Variants in PPM1E observed in about 807,000 individuals in gnomAD.
PPM1E encodes the protein protein phosphatase, Mg2+/Mn2+ dependent 1E.
PPM1E carries 20 observed loss-of-function variants against 65.9 expected under a neutral mutation model. The observed-to-expected ratio is 0.30, with a 90% CI of 0.21 to 0.44. The LOEUF is 0.44. PPM1E is among the 20% of genes least tolerant of loss of function. The probability of loss-of-function intolerance (pLI) is 1.00; values close to 1 mark genes in which losing one functional copy is unlikely to be tolerated. For missense variants in PPM1E, 713 were observed against 953.1 expected, an observed-to-expected ratio of 0.75 and a Z score of 3.32; for synonymous variants, 352 against 374.9, an observed-to-expected ratio of 0.94 and a Z score of 0.70.
intron 2 of PPM1E, among the ~76,000 whole-genome samples, chr17:58,956,068 A>G (rs1049140393): frequency 6.6e-6 from 1 of 152,194 alleles, no homozygotes; most frequent in Non-Finnish European, 1.5e-5. Flanking sequence ...AGGAATGTGA[A>G]GATATTACAA....
chr17:58,950,213 T>A (rs1177196836), intron 1 of PPM1E, among the ~76,000 whole-genome samples: 1 of 152,062 alleles, frequency 6.6e-6, no homozygotes, highest in Non-Finnish European at 1.5e-5. Flanking sequence ...AATACAAAAA[T>A]TAGCTGGGCA....
At chr17:58,791,789 G>A (rs1218201536) in intron 1 of PPM1E, among the ~76,000 whole-genome samples, 1 of 152,164 alleles carries the variant, frequency 6.6e-6, no homozygotes, top group African/African-American at 2.4e-5. Flanking sequence ...CTGGGGCCAA[G>A]GAGCACACAG....
chr17:58,880,503 C>T (rs1289012275), intron 1 of PPM1E, among the ~76,000 whole-genome samples: 1 of 152,090 alleles, frequency 6.6e-6, no homozygotes, highest in East Asian at 1.9e-4. Flanking sequence ...GAAAATCTGA[C>T]GATATCTCCT....
chr17:58,935,112 G>A (rs1376756595), intron 1 of PPM1E, among the ~76,000 whole-genome samples: 4 of 147,398 alleles, frequency 2.7e-5, no homozygotes, highest in Admixed American at 6.8e-5. Flanking sequence ...TTAGCTGGGC[G>A]CAGTGGCGGG....
intron 1 of PPM1E, among the ~76,000 whole-genome samples, chr17:58,884,557 A>G (rs2051243670): frequency 1.3e-5 from 2 of 152,288 alleles, no homozygotes; most frequent in South Asian, 4.1e-4. Flanking sequence ...AAAGGAGTAC[A>G]TTGAATATTA....
At chr17:58,955,852 A>T in intron 2 of PPM1E, 85 bp downstream of exon 2, 4 of 1,403,482 alleles carry the variant, frequency 2.9e-6, no homozygotes, top group Non-Finnish European at 3.8e-6. Context: ...CAAAATACTA[A>T]ATCTAATTAC....
chr17:58,838,723 A>G (rs1032309907), intron 1 of PPM1E, among the ~76,000 whole-genome samples: 1 of 152,214 alleles, frequency 6.6e-6, no homozygotes, highest in Non-Finnish European at 1.5e-5. Context: ...AGAAACCTGC[A>G]AAGGAATGTT....
rs151087270 is a variant in PPM1E, at chr17:58,931,115, G to A, written c.465-24534G>A. Among the ~76,000 whole-genome samples, 419 of 150,202 alleles carry A rather than the reference G, an allele frequency of 2.8e-3. 3 individuals are homozygous for A. The highest frequency in any genetic ancestry group is 0.017 in the Middle Eastern group (5 of 286). On this transcript the variant is annotated intron_variant, in intron 1 of 6. Coordinates refer to ENST00000308249, the MANE Select transcript of PPM1E (RefSeq NM_014906.5). Reference sequence around the variant, plus strand: ...AGAAAGAAAGAAAAAAGCCGGGCGCGGTGGCTCACATCTGTAATCCCAGCA... The same window carrying A: ...AGAAAGAAAGAAAAAAGCCGGGCGCAGTGGCTCACATCTGTAATCCCAGCA...
chr17:58,959,741 T>G (rs2029973369), intron 2 of PPM1E, among the ~76,000 whole-genome samples: 1 of 151,888 alleles, frequency 6.6e-6, no homozygotes, highest in Non-Finnish European at 1.5e-5. Flanking sequence ...CACTGAATAT[T>G]TTATTGAGGG....
At chr17:58,938,471 C>T (rs781165071) in intron 1 of PPM1E, among the ~76,000 whole-genome samples, 2 of 152,098 alleles carry the variant, frequency 1.3e-5, no homozygotes, top group African/African-American at 2.4e-5. Flanking sequence ...CAATAGTGGT[C>T]TGTAATTATT....
rs550898102 is a variant in PPM1E at position 58,832,139 on chromosome 17, G to A, written c.464+75678G>A. On this transcript the variant is annotated intron_variant, in intron 1 of 6. Coordinates refer to ENST00000308249, the MANE Select transcript of PPM1E (RefSeq NM_014906.5). ...GTAACCTTTCATAGACTTAAAGACA[G>A]TATTAGAACTTTAGTATTTTTTCTT... 4.6e-5 allele frequency among the ~76,000 whole-genome samples: 7 copies of A among 152,258 alleles called. No homozygotes were observed. The South Asian group carries it at 1.2e-3, about 27-fold the overall frequency.
intron 1 of PPM1E, among the ~76,000 whole-genome samples, chr17:58,852,145 TG>T: frequency 6.6e-6 from 1 of 152,280 alleles, no homozygotes; most frequent in South Asian, 2.1e-4. Context: ...AGTATTAGGG[TG>T]GGAGTGACCT....
At chr17:58,943,037 A>G (rs1167802370) in intron 1 of PPM1E, among the ~76,000 whole-genome samples, 1 of 151,796 alleles carries the variant, frequency 6.6e-6, no homozygotes, top group Non-Finnish European at 1.5e-5. Context: ...AACAAGTAAA[A>G]ATTTTTTTTA....
At chr17:58,796,558 C>T (rs2144274158) in intron 1 of PPM1E, among the ~76,000 whole-genome samples, 1 of 152,358 alleles carries the variant, frequency 6.6e-6, no homozygotes, top group Middle Eastern at 3.4e-3. Context: ...GCGTGAGCCA[C>T]TGTGCTTGGC....
chr17:58,899,201 C>G (rs1303338776), intron 1 of PPM1E, among the ~76,000 whole-genome samples: 2 of 151,502 alleles, frequency 1.3e-5, no homozygotes, highest in Non-Finnish European at 2.9e-5. Flanking sequence ...AAAAAATTAG[C>G]GAGGTGTCAT....
chr17:58,935,810 C>CT (rs904826708), intron 1 of PPM1E, among the ~76,000 whole-genome samples: 30 of 148,422 alleles, frequency 2.0e-4, no homozygotes, highest in South Asian at 1.1e-3. Flanking sequence ...AATGAGATTT[C>CT]TTTTTTTTTT....
At chr17:58,934,682 T>C (rs1487068950) in intron 1 of PPM1E, among the ~76,000 whole-genome samples, 1 of 152,134 alleles carries the variant, frequency 6.6e-6, no homozygotes, top group African/African-American at 2.4e-5. Flanking sequence ...ATCCCAGCAC[T>C]TTTGGTGGCC....
chr17:58,924,392 A>C (rs1256478621), intron 1 of PPM1E, among the ~76,000 whole-genome samples: 2 of 152,020 alleles, frequency 1.3e-5, no homozygotes, highest in Non-Finnish European at 2.9e-5. Context: ...CTCTACAGAA[A>C]ATTAAAAATT....
chr17:58,772,613 A>G (rs1299999524), intron 1 of PPM1E, among the ~76,000 whole-genome samples: 1 of 152,156 alleles, frequency 6.6e-6, no homozygotes, highest in Admixed American at 6.6e-5. Flanking sequence ...AAAGCATTCC[A>G]CCAGAGACAT....
Sources: allele counts gnomAD v4.1 joint callset (sites outside exome capture counted in the v4.1 genomes callset), GRCh38; gene constraint gnomAD v4.1.1; transcripts MANE v1.5; gene names NCBI Gene and HGNC (gene_info 2026-07-23, HGNC 2026-07-21).